Variants in GM2A observed in about 807,000 individuals in gnomAD.
GM2A encodes ganglioside GM2 activator.
A neutral mutation model predicts 12.9 loss-of-function variants in GM2A; 7 were observed. The observed-to-expected ratio is 0.54, with a 90% confidence interval of 0.31 to 1.02. The LOEUF (loss-of-function observed/expected upper bound fraction) is 1.02. Among genes scored for constraint, GM2A ranks in the 50% least tolerant of loss-of-function variants. The probability of loss-of-function intolerance (pLI) is 0.05; values close to 1 mark genes in which losing one functional copy is unlikely to be tolerated. For missense variants in GM2A, 246 were observed against 241.0 expected, an observed-to-expected ratio of 1.02 and a Z score of -0.14; for synonymous variants, 101 against 96.0, an observed-to-expected ratio of 1.05 and a Z score of -0.30.
intron 1 of GM2A, among the ~76,000 whole-genome samples, chr5:151,259,353 G>A (rs1484514974): frequency 1.3e-5 from 2 of 152,186 alleles, no homozygotes; most frequent in Admixed American, 6.5e-5. Context: ...GTGGGCTGCA[G>A]AGGTGAATCC....
rs1753925158 is a variant in GM2A at position 151,267,854 on chromosome 5, G to A, written c.*403G>A. ...TCACTAAGTTAAAAGCGAAGTGAGA[G>A]TATTAACGTTTTTGTTCTCCTCCGG... On this transcript the variant is annotated 3_prime_UTR_variant, in exon 4 of 4. Coordinates refer to ENST00000357164, the MANE Select transcript of GM2A (RefSeq NM_000405.5). 1.7e-6 allele frequency: 2 copies of A among 1,164,458 alleles called. No homozygotes were observed. Among genetic ancestry groups the A allele is most frequent in the African/African-American group, 1.6e-5 (1 of 62,140 alleles). The allele number at this position is 1,164,458 out of a possible 1,614,324, so 72.1% of individuals were successfully genotyped here.
chr5:151,268,474 A>ATGCTATTACAATGTAAATATTTC lies in GM2A; in HGVS notation c.*1025_*1047dup, dbSNP rs1206380584. On this transcript the variant is annotated 3_prime_UTR_variant, in exon 4 of 4. Coordinates refer to ENST00000357164, the MANE Select transcript of GM2A (RefSeq NM_000405.5). The stretch of plus-strand genomic sequence containing the variant: ...GCCGATTTTTCCTTTTTGATTAAAG[A>ATGCTATTACAATGTAAATATTTC]TGCTATTACAATGTAAATATTTCTT... 6.3e-5 allele frequency: 62 copies of ATGCTATTACAATGTAAATATTTC among 985,424 alleles called. No individual in the cohort carries two copies. The highest frequency in any genetic ancestry group is 1.2e-4 in the Admixed American group (2 of 16,288). 61.0% of individuals were successfully genotyped at this position (985,424 alleles called of 1,614,324 possible).
rs1753944099 is a variant in GM2A at position 151,268,598 on chromosome 5, T to C, written c.*1147T>C. ...TAAGGGTGGCAAGGACTGGAGTCAGTTGGAGAGTGCATAGCCAGTCTGTGA... is the reference window on the plus strand; with the variant it reads ...TAAGGGTGGCAAGGACTGGAGTCAGCTGGAGAGTGCATAGCCAGTCTGTGA... On this transcript the variant is annotated 3_prime_UTR_variant, in exon 4 of 4. Transcript: ENST00000357164. 1 of 941,106 alleles carries C rather than the reference T, an allele frequency of 1.1e-6. No individual in the cohort carries two copies. Among genetic ancestry groups the C allele is most frequent in the Non-Finnish European group, 1.3e-6 (1 of 789,632 alleles). The allele number at this position is 941,106 out of a possible 1,614,324, so 58.3% of individuals were successfully genotyped here.
In GM2A at chr5:151,269,763, C is replaced by G. The variant is rs1753971871; in HGVS notation, c.*2312C>G. The G allele has an allele frequency of 5.9e-6, 1 of 168,084 alleles. No individual in the cohort carries two copies. Among genetic ancestry groups the G allele is most frequent in the East Asian group, 1.8e-4 (1 of 5,424 alleles). 10.4% of individuals were successfully genotyped at this position (168,084 alleles called of 1,614,324 possible). ...CAACCCCACGGTCCCGCTTTAAGGT[C>G]CATAAATATCCCTAAGGAAAAATCC... On this transcript the variant is annotated 3_prime_UTR_variant, in exon 4 of 4. Coordinates refer to ENST00000357164, the MANE Select transcript of GM2A (RefSeq NM_000405.5).
At position 151,266,857 on chromosome 5, in the gene GM2A, C is replaced by G; in HGVS notation, c.370C>G (p.Pro124Ala). 1 of 1,613,600 alleles carries G rather than the reference C, an allele frequency of 6.2e-7. No individual in the cohort carries two copies. The change falls in exon 3 of 4, where the codon CCC (proline) becomes GCC (alanine). Residue 124 changes from proline to alanine, a missense_variant. Coordinates refer to ENST00000357164, the MANE Select transcript of GM2A (RefSeq NM_000405.5). ...TGACATGTTAATTCCTACTGGGGAGCCCTGCCCAGAGCCCCTGCGTACCTA... is the reference window on the plus strand; with the variant it reads ...TGACATGTTAATTCCTACTGGGGAGGCCTGCCCAGAGCCCCTGCGTACCTA... ...VLDMLIPTGE[P>A]CPEPLRTYGL...
intron 1 of GM2A, 119 bp downstream of exon 1, chr5:151,253,416 G>A: frequency 4.1e-6 from 3 of 739,646 alleles, no homozygotes. Context: ...CTCTGCACTA[G>A]AGCCTTCCAA....
intron 1 of GM2A, 36 bp downstream of exon 1, chr5:151,253,333 C>T (rs1239519699): frequency 1.3e-6 from 2 of 1,490,950 alleles, no homozygotes; most frequent in Non-Finnish European, 1.9e-6. Context: ...TGTTTGCAGC[C>T]TCCTGGCCCA....
intron 1 of GM2A, among the ~76,000 whole-genome samples, chr5:151,256,186 G>A (rs1020205368): frequency 6.6e-6 from 1 of 152,150 alleles, no homozygotes; most frequent in Non-Finnish European, 1.5e-5. Flanking sequence ...CATATAGTAG[G>A]TGCTTAATAG....
intron 1 of GM2A, among the ~76,000 whole-genome samples, chr5:151,257,008 C>T (rs1391521804): frequency 1.3e-5 from 2 of 152,162 alleles, no homozygotes; most frequent in Admixed American, 1.3e-4. Flanking sequence ...ATTATGTCCA[C>T]ATAATAAATG....
At position 151,269,504 on chromosome 5, in the gene GM2A, C is replaced by T. The variant is rs903882806; in HGVS notation, c.*2053C>T. 8.6e-6 allele frequency: 8 copies of T among 926,908 alleles called. No individual in the cohort carries two copies. Among genetic ancestry groups the T allele is most frequent in the African/African-American group, 3.6e-5 (2 of 56,210 alleles). The allele number at this position is 926,908 out of a possible 1,614,324, so 57.4% of individuals were successfully genotyped here. A position where few individuals can be genotyped will look rare whatever the true frequency, so the allele number is the denominator to read the frequency against. On this transcript the variant is annotated 3_prime_UTR_variant, in exon 4 of 4. Coordinates refer to ENST00000357164, the MANE Select transcript of GM2A (RefSeq NM_000405.5). Reference sequence around the variant, plus strand: ...CAAAAATCACCTAGTGACCATTGAACAGGTCCCAGAGACAAAATCTTTTTA... The same window carrying T: ...CAAAAATCACCTAGTGACCATTGAATAGGTCCCAGAGACAAAATCTTTTTA...
rs1036692772 is a variant in GM2A, at chr5:151,268,857, G to A, written c.*1406G>A. The A allele has an allele frequency of 3.0e-6, 3 of 985,380 alleles. No homozygotes were observed. Among genetic ancestry groups the A allele is most frequent in the Non-Finnish European group, 3.6e-6 (3 of 829,912 alleles). 61.0% of individuals were successfully genotyped at this position (985,380 alleles called of 1,614,324 possible). A position where few individuals can be genotyped will look rare whatever the true frequency, so the allele number is the denominator to read the frequency against. ...ACGTCACAACCTCTGATCTCAGACC[G>A]TGCATGCCTTGTCCTCTTAAGACAA... On this transcript the variant is annotated 3_prime_UTR_variant, in exon 4 of 4. Transcript: ENST00000357164.
chr5:151,258,572 A>G (rs1753736115), intron 1 of GM2A, among the ~76,000 whole-genome samples: 1 of 152,172 alleles, frequency 6.6e-6, no homozygotes. Context: ...TCCACAGACC[A>G]ACAGAGCCCT....
In GM2A at chr5:151,266,872, C is replaced by T; in HGVS notation, c.385C>T (p.Leu129=). Residue 129 remains leucine, a synonymous_variant, in exon 3 of 4, where the codon CTG becomes TTG. Coordinates refer to ENST00000357164, the MANE Select transcript of GM2A (RefSeq NM_000405.5). ...IPTGEPCPEP[L]RTYGLPCHCP... ...TACTGGGGAGCCCTGCCCAGAGCCC[C>T]TGCGTACCTATGGGCTTCCTTGCCA... 2 of 1,613,972 alleles carry T rather than the reference C, an allele frequency of 1.2e-6. No homozygotes were observed. The highest frequency in any genetic ancestry group is 1.7e-6 in the Non-Finnish European group (2 of 1,179,866).
chr5:151,262,057 C>T (rs1399950160), intron 2 of GM2A, among the ~76,000 whole-genome samples: 7 of 152,158 alleles, frequency 4.6e-5, no homozygotes, highest in Non-Finnish European at 7.4e-5. Context: ...TCCTAGTGAG[C>T]GTAGATGTCT....
chr5:151,268,746 A>T lies in GM2A; in HGVS notation c.*1295A>T. The T allele has an allele frequency of 1.6e-6, 1 of 623,742 alleles. No homozygotes were observed. The highest frequency in any genetic ancestry group is 2.0e-6 in the Non-Finnish European group (1 of 499,440). The allele number at this position is 623,742 out of a possible 1,614,324, so 38.6% of individuals were successfully genotyped here. The stretch of plus-strand genomic sequence containing the variant: ...AATCCAGATTTGTATATGAAATCTT[A>T]CCATTTTAAAAGATTGGCAGCTAAT... On this transcript the variant is annotated 3_prime_UTR_variant, in exon 4 of 4. Coordinates refer to ENST00000357164, the MANE Select transcript of GM2A (RefSeq NM_000405.5).
chr5:151,266,691 A>G (rs1753892739), intron 2 of GM2A, 40 bp from the exon 3 acceptor site: 1 of 1,514,126 alleles, frequency 6.6e-7, no homozygotes, highest in Non-Finnish European at 9.2e-7. Flanking sequence ...ATTTACACTT[A>G]TAACCTTTTT....
At chr5:151,256,958 C>T (rs1753700922) in intron 1 of GM2A, among the ~76,000 whole-genome samples, 1 of 152,166 alleles carries the variant, frequency 6.6e-6, no homozygotes, top group African/African-American at 2.4e-5. Flanking sequence ...TTTCTGTATA[C>T]AAACATCTTA....
At chr5:151,259,983 T>C in intron 2 of GM2A, 67 bp downstream of exon 2, 4 of 1,221,558 alleles carry the variant, frequency 3.3e-6, no homozygotes, top group Non-Finnish European at 4.7e-6. Flanking sequence ...CTGGGGCATG[T>C]ATGCTTGGGG....
chr5:151,267,706 C>A lies in GM2A; in HGVS notation c.*255C>A. 7.1e-7 allele frequency: 1 copy of A among 1,412,426 alleles called. No individual in the cohort carries two copies. Among genetic ancestry groups the A allele is most frequent in the South Asian group, 1.3e-5 (1 of 78,026 alleles). The allele number at this position is 1,412,426 out of a possible 1,614,324, so 87.5% of individuals were successfully genotyped here. A position where few individuals can be genotyped will look rare whatever the true frequency, so the allele number is the denominator to read the frequency against. ...TGCTGGGCTGACCACGTTACTCATC[C>A]CCGTTAACATTCTCTCTAAAGAGCC... On this transcript the variant is annotated 3_prime_UTR_variant, in exon 4 of 4. Coordinates refer to ENST00000357164, the MANE Select transcript of GM2A (RefSeq NM_000405.5).
Sources: gnomAD v4.1 joint callset for allele counts (sites outside exome capture counted in the v4.1 genomes callset) on GRCh38, gnomAD v4.1.1 for gene constraint, MANE v1.5 for transcripts, NCBI Gene and HGNC (gene_info 2026-07-23, HGNC 2026-07-21) for gene names.